Variants in VPS13B observed in about 807,000 individuals in gnomAD.
The protein encoded by VPS13B is intermembrane lipid transfer protein VPS13B.
VPS13B carries 285 observed loss-of-function variants against 426.4 expected under a neutral mutation model. The ratio of observed to expected loss-of-function variants is 0.67; its 90% CI spans 0.61 to 0.74. VPS13B has a LOEUF of 0.74. Ranked by LOEUF, VPS13B falls within the 30% of genes least tolerant of loss-of-function variation. The pLI is 0.00. For missense variants in VPS13B, 4,537 were observed against 4,782.6 expected (o/e 0.95, Z 1.51); for synonymous variants, 1,676 against 1,676.4 (o/e 1.00, Z 0.01).
intron 17 of VPS13B, among the ~76,000 whole-genome samples, chr8:99,201,296 A>T (rs946651698): frequency 4.6e-5 from 7 of 152,172 alleles, no homozygotes; most frequent in Non-Finnish European, 1.0e-4. Context: ...CATTTCTTTC[A>T]TTATAAATTG....
At chr8:99,025,727 T>A (rs1291914091) in intron 2 of VPS13B, among the ~76,000 whole-genome samples, 1 of 152,196 alleles carries the variant, frequency 6.6e-6, no homozygotes, top group Non-Finnish European at 1.5e-5. Context: ...ACTGATTCAA[T>A]CTCATTACTC....
chr8:99,830,560 T>A (rs1385362180), intron 51 of VPS13B, among the ~76,000 whole-genome samples: 1 of 152,058 alleles, frequency 6.6e-6, no homozygotes, highest in Non-Finnish European at 1.5e-5. Flanking sequence ...ATCCACTGAG[T>A]AAGACCACTT....
In VPS13B at chr8:99,875,549, A is replaced by C. The variant is rs774988681; in HGVS notation, c.11877A>C (p.Glu3959Asp). ...MQIPCPVVAA[E>D]PPPSTVKTYH... The stretch of plus-strand genomic sequence containing the variant: ...TACCATGCCCTGTGGTGGCTGCAGA[A>C]CCTCCCCCCTCCACTGTTAAAACAT... Residue 3959 changes from glutamate (E) to aspartate (D), a missense_variant, in exon 62 of 62, where the codon GAA (glutamate) becomes GAC (aspartate). Around this residue, in one of 2 missense-constraint regions of VPS13B, gnomAD observed 4,311 missense variants for 4,474.3 expected, o/e 0.96. Transcript: ENST00000357162. 5.6e-6 allele frequency: 9 copies of C among 1,613,522 alleles called. No individual in the cohort carries two copies. In the African/African-American group the frequency reaches 9.4e-5, roughly 17 times the overall value.
rs531619892 is a variant in VPS13B at position 99,875,557 on chromosome 8, C to A, written c.11885C>A (p.Pro3962His). The change falls in exon 62 of 62, where the codon CCC (proline) becomes CAC (histidine). Residue 3962 changes from proline to histidine, a missense_variant. By Grantham distance (77) the Pro-to-His change is moderately conservative. Transcript: ENST00000357162. ...PCPVVAAEPP[P>H]STVKTYHYLV... ...CCTGTGGTGGCTGCAGAACCTCCCCCCTCCACTGTTAAAACATACCATTAC... is the reference window on the plus strand; with the variant it reads ...CCTGTGGTGGCTGCAGAACCTCCCCACTCCACTGTTAAAACATACCATTAC... 5.0e-6 allele frequency: 8 copies of A among 1,614,186 alleles called. No individual in the cohort carries two copies. The highest frequency in any genetic ancestry group is 1.7e-5 in the Admixed American group (1 of 60,018).
chr8:99,850,858 G>A (rs1429126943), intron 55 of VPS13B, among the ~76,000 whole-genome samples: 3 of 152,076 alleles, frequency 2.0e-5, no homozygotes, highest in Non-Finnish European at 2.9e-5. Flanking sequence ...CCTGGGAGGC[G>A]GAGGTTGTAG....
At chr8:99,034,414 G>GTTT (rs35822371) in intron 2 of VPS13B, among the ~76,000 whole-genome samples, 2 of 144,618 alleles carry the variant, frequency 1.4e-5, no homozygotes, top group Non-Finnish European at 1.5e-5. Flanking sequence ...TTATAAGTCT[G>GTTT]TTTTTTTTTT....
At chr8:99,348,697 A>G (rs1811683231) in intron 19 of VPS13B, among the ~76,000 whole-genome samples, 1 of 152,196 alleles carries the variant, frequency 6.6e-6, no homozygotes, top group Non-Finnish European at 1.5e-5. Flanking sequence ...ATAAAGTACA[A>G]TCATTACTTA....
chr8:99,206,736 C>G (rs1393260343), intron 17 of VPS13B, among the ~76,000 whole-genome samples: 1 of 152,132 alleles, frequency 6.6e-6, no homozygotes, highest in Admixed American at 6.6e-5. Context: ...CCCAGGTGTG[C>G]ATATAAAAAG....
intron 22 of VPS13B, among the ~76,000 whole-genome samples, 186 bp from the exon 23 acceptor site, chr8:99,442,215 C>T (rs1197083520): frequency 1.3e-5 from 2 of 152,072 alleles, no homozygotes; most frequent in African/African-American, 4.8e-5. Flanking sequence ...CATTTTGTAT[C>T]AAGTTTATAA....
intron 19 of VPS13B, among the ~76,000 whole-genome samples, chr8:99,295,394 T>C (rs1819976802): frequency 1.3e-5 from 2 of 152,210 alleles, no homozygotes. Context: ...TCTAAAGTGG[T>C]CAGAAACTGT....
chr8:99,093,122 T>G (rs1846233916), intron 3 of VPS13B, among the ~76,000 whole-genome samples: 1 of 152,002 alleles, frequency 6.6e-6, no homozygotes, highest in South Asian at 2.1e-4. Flanking sequence ...AATTTTATGA[T>G]GTAGAGAGAT....
intron 27 of VPS13B, among the ~76,000 whole-genome samples, chr8:99,504,795 AAG>A (rs1217615279): frequency 3.3e-5 from 5 of 152,154 alleles, no homozygotes; most frequent in Admixed American, 3.3e-4. Flanking sequence ...CACCTTTAAC[AAG>A]AGAGTCAGCC....
chr8:99,457,279 G>T (rs751337264), intron 23 of VPS13B, among the ~76,000 whole-genome samples: 1 of 151,998 alleles, frequency 6.6e-6, no homozygotes, highest in African/African-American at 2.4e-5. Flanking sequence ...TGGTCCGCCC[G>T]CTTTGGCCTC....
intron 21 of VPS13B, among the ~76,000 whole-genome samples, chr8:99,428,475 A>G (rs1370458039): frequency 2.0e-5 from 3 of 152,232 alleles, no homozygotes; most frequent in African/African-American, 7.2e-5. Context: ...TGGGCGAAGG[A>G]TATGAGCAGA....
chr8:99,577,786 T>C, intron 33 of VPS13B, 153 bp downstream of exon 33: 1 of 1,100,794 alleles, frequency 9.1e-7, no homozygotes, highest in Non-Finnish European at 1.3e-6. Context: ...TGGATTGATA[T>C]TCTTTATTTT....
At chr8:99,839,498 T>C (rs1815567511) in intron 54 of VPS13B, among the ~76,000 whole-genome samples, 1 of 152,172 alleles carries the variant, frequency 6.6e-6, no homozygotes, top group African/African-American at 2.4e-5. Flanking sequence ...CTGCAAAAAT[T>C]CTAAGGGCAA....
At chr8:99,328,726 AT>A (rs1391817454) in intron 19 of VPS13B, among the ~76,000 whole-genome samples, 1 of 152,090 alleles carries the variant, frequency 6.6e-6, no homozygotes, top group Non-Finnish European at 1.5e-5. Flanking sequence ...GAAGCAGTTA[AT>A]TTTTTTCAGT....
intron 34 of VPS13B, among the ~76,000 whole-genome samples, chr8:99,645,817 A>AT (rs1265666643): frequency 6.6e-6 from 1 of 152,242 alleles, no homozygotes; most frequent in Admixed American, 6.5e-5. Flanking sequence ...GTCCACTTGA[A>AT]TGAATTGTCT....
chr8:99,136,696 G>A lies in VPS13B; in HGVS notation c.1595G>A (p.Arg532Gln), dbSNP rs779736147. 5.6e-6 allele frequency: 9 copies of A among 1,613,560 alleles called. No individual in the cohort carries two copies. Among genetic ancestry groups the A allele is most frequent in the Non-Finnish European group, 6.8e-6 (8 of 1,179,640 alleles). ...TACACTGAGATAGCTGGAATGCAAC[G>A]GTTTGGGGCTTTTTATATGGATTAC... ...ETYTEIAGMQ[R>Q]FGAFYMDYLY... is the part of the protein sequence containing the mutation. Residue 532 changes from arginine to glutamine, a missense_variant, in exon 12 of 62, where the codon CGG (arginine) becomes CAG (glutamine). Arg to Gln is a conservative substitution (Grantham distance 43). Transcript: ENST00000357162.
Sources: allele counts gnomAD v4.1 joint callset (sites outside exome capture counted in the v4.1 genomes callset), GRCh38; gene constraint gnomAD v4.1.1; regional missense constraint gnomAD v4.1.1; transcripts MANE v1.5; gene names NCBI Gene and HGNC (gene_info 2026-07-23, HGNC 2026-07-21).